Variants in MOB3B observed in about 807,000 individuals in gnomAD.
The protein encoded by MOB3B is MOB kinase activator-like 2B.
MOB3B carries 7 observed loss-of-function variants against 18.7 expected under a neutral mutation model. The observed-to-expected ratio is 0.37, with a 90% CI of 0.21 to 0.70. The LOEUF is 0.70. Ranked by LOEUF, MOB3B falls within the 30% of genes least tolerant of loss-of-function variation. The pLI is 0.52. For missense variants in MOB3B, 253 were observed against 281.3 expected (o/e 0.90, Z 0.72); for synonymous variants, 111 against 99.9 (o/e 1.11, Z -0.66).
In MOB3B at chr9:27,326,849, T is replaced by C. The variant is rs1820719368; in HGVS notation, c.*3738A>G. 3.0e-6 allele frequency: 1 copy of C among 331,000 alleles called. No individual in the cohort carries two copies. The highest frequency in any genetic ancestry group is 1.6e-4 in the South Asian group (1 of 6,402). The allele number at this position is 331,000 out of a possible 1,614,324, so 20.5% of individuals were successfully genotyped here. Reference sequence around the variant, plus strand: ...CCATGAAATTTTAATACCACATAAATACTTTGTATCTGTTTATGTACTTGT... The same window carrying C: ...CCATGAAATTTTAATACCACATAAACACTTTGTATCTGTTTATGTACTTGT... On this transcript the variant is annotated 3_prime_UTR_variant, in exon 4 of 4. Coordinates refer to ENST00000262244, the MANE Select transcript of MOB3B (RefSeq NM_024761.5).
chr9:27,520,600 G>C (rs1459497849), intron 1 of MOB3B, among the ~76,000 whole-genome samples: 1 of 152,232 alleles, frequency 6.6e-6, no homozygotes, highest in Non-Finnish European at 1.5e-5. Flanking sequence ...TTATATGTGA[G>C]TGTACAAGTG....
intron 3 of MOB3B, among the ~76,000 whole-genome samples, chr9:27,342,124 C>T (rs774364087): frequency 7.9e-5 from 12 of 152,230 alleles, no homozygotes; most frequent in Non-Finnish European, 1.5e-4. Context: ...CAGAGCTGAG[C>T]GACTGGGACA....
At chr9:27,417,137 G>A (rs35718268) in intron 2 of MOB3B, among the ~76,000 whole-genome samples, 48,434 of 152,030 alleles carry the variant, frequency 0.32, 8,159 homozygotes, top group Non-Finnish European at 0.37. Flanking sequence ...GCCGAGGCAG[G>A]TGGATCACGA....
intron 2 of MOB3B, among the ~76,000 whole-genome samples, chr9:27,392,404 T>A (rs921358481): frequency 2.0e-5 from 3 of 152,186 alleles, no homozygotes; most frequent in Admixed American, 6.5e-5. Flanking sequence ...TATACCGTAG[T>A]AGGACTAGAC....
intron 2 of MOB3B, among the ~76,000 whole-genome samples, chr9:27,451,860 A>G (rs1275023305): frequency 6.6e-6 from 1 of 152,230 alleles, no homozygotes; most frequent in Non-Finnish European, 1.5e-5. Flanking sequence ...GGAGAAGGAA[A>G]AAGAGGAGGA....
At chr9:27,524,973 G>A (rs1022877204) in intron 1 of MOB3B, 1 of 1,548,198 alleles carries the variant, frequency 6.5e-7, no homozygotes, top group Non-Finnish European at 8.7e-7. Flanking sequence ...TATATTTTTG[G>A]AATTAAAATT....
At chr9:27,463,359 A>G (rs1819323591) in intron 1 of MOB3B, among the ~76,000 whole-genome samples, 1 of 152,210 alleles carries the variant, frequency 6.6e-6, no homozygotes, top group South Asian at 2.1e-4. Flanking sequence ...TCACAGAACC[A>G]GTAAGTAGCC....
intron 2 of MOB3B, among the ~76,000 whole-genome samples, chr9:27,427,327 A>T (rs1822349039): frequency 6.6e-6 from 1 of 152,238 alleles, no homozygotes; most frequent in Admixed American, 6.5e-5. Flanking sequence ...GTTACCTCCA[A>T]GGGAAAAAGA....
At chr9:27,528,002 A>G (rs2131513435) in intron 1 of MOB3B, among the ~76,000 whole-genome samples, 1 of 152,338 alleles carries the variant, frequency 6.6e-6, no homozygotes, top group East Asian at 1.9e-4. Context: ...ACGTGGAAGC[A>G]GGAACTGTGC....
At chr9:27,369,654 A>T (rs1169647827) in intron 2 of MOB3B, among the ~76,000 whole-genome samples, 1 of 152,172 alleles carries the variant, frequency 6.6e-6, no homozygotes, top group East Asian at 1.9e-4. Flanking sequence ...TCATTTCTGG[A>T]TTCTCCCAAC....
Position 27,330,385 on chromosome 9 carries a change from C to A in MOB3B, c.*202G>T. The A allele has an allele frequency of 1.7e-6, 1 of 594,834 alleles. No homozygotes were observed. Among genetic ancestry groups the A allele is most frequent in the Non-Finnish European group, 2.9e-6 (1 of 346,884 alleles). The allele number at this position is 594,834 out of a possible 1,614,324, so 36.8% of individuals were successfully genotyped here. On this transcript the variant is annotated 3_prime_UTR_variant, in exon 4 of 4. Transcript: ENST00000262244. ...TCTTTCACGTTGTGGTCTGCCTCGT[C>A]CACAGGTCTGGGCTAGCAGCACTCA... is the stretch of plus-strand genomic sequence containing the variant.
chr9:27,337,667 C>T (rs994093396), intron 3 of MOB3B, among the ~76,000 whole-genome samples: 7 of 152,300 alleles, frequency 4.6e-5, no homozygotes, highest in East Asian at 1.9e-4. Flanking sequence ...GCAAGGGATT[C>T]GGGTTCTCAG....
At chr9:27,337,707 C>G (rs1013933371) in intron 3 of MOB3B, among the ~76,000 whole-genome samples, 1 of 152,290 alleles carries the variant, frequency 6.6e-6, no homozygotes, top group Non-Finnish European at 1.5e-5. Flanking sequence ...TTGAAATCCT[C>G]TTGGACTGTA....
At chr9:27,346,262 G>A (rs28736701) in intron 3 of MOB3B, among the ~76,000 whole-genome samples, 2,299 of 152,244 alleles carry the variant, frequency 0.015, 62 homozygotes, top group African/African-American at 0.052. Context: ...CCAGAACTGT[G>A]AGCAGTGCAT....
At position 27,455,483 on chromosome 9, in the gene MOB3B, G is replaced by A; in HGVS notation, c.68C>T (p.Pro23Leu). 1 of 1,614,198 alleles carries A rather than the reference G, an allele frequency of 6.2e-7. No homozygotes were observed. Among genetic ancestry groups the A allele is most frequent in the Non-Finnish European group, 8.5e-7 (1 of 1,180,030 alleles). ...GTGCAGCTCAAACCTCTGTGTGCCA[G>A]GTTCAAATTTCCTCTTGGGTCGGAA... Reference protein sequence around the residue: ...KTFRPKRKFEPGTQRFELHKR... With the variant: ...KTFRPKRKFELGTQRFELHKR... Residue 23 changes from proline to leucine, a missense_variant, in exon 2 of 4, where the codon CCT (proline) becomes CTT (leucine). Pro to Leu is a moderately conservative substitution (Grantham distance 98). Transcript: ENST00000262244.
At chr9:27,345,192 T>C (rs1373661795) in intron 3 of MOB3B, among the ~76,000 whole-genome samples, 1 of 152,136 alleles carries the variant, frequency 6.6e-6, no homozygotes, top group Non-Finnish European at 1.5e-5. Flanking sequence ...TTCATATGCT[T>C]GAAAGTTGTG....
intron 1 of MOB3B, among the ~76,000 whole-genome samples, chr9:27,475,212 C>G (rs536944756): frequency 5.2e-4 from 79 of 152,358 alleles, no homozygotes; most frequent in African/African-American, 1.8e-3. Flanking sequence ...CAACAGTTCA[C>G]CAGGATCTGA....
chr9:27,457,332 C>A (rs1451581456), intron 1 of MOB3B, among the ~76,000 whole-genome samples: 3 of 152,200 alleles, frequency 2.0e-5, no homozygotes, highest in Non-Finnish European at 4.4e-5. Flanking sequence ...CAAGCCCCAA[C>A]AAAATGAGCC....
chr9:27,385,287 A>T (rs1254800182), intron 2 of MOB3B, among the ~76,000 whole-genome samples: 1 of 152,156 alleles, frequency 6.6e-6, no homozygotes, highest in Non-Finnish European at 1.5e-5. Context: ...CTTTTTTGCC[A>T]AGGCATATCA....
Sources: allele counts gnomAD v4.1 joint callset (sites outside exome capture counted in the v4.1 genomes callset), GRCh38; gene constraint gnomAD v4.1.1; transcripts MANE v1.5; gene names NCBI Gene and HGNC (gene_info 2026-07-23, HGNC 2026-07-21).